Variants in OTOG observed in about 807,000 individuals in gnomAD.
OTOG encodes the protein otogelin.
Under a neutral mutation model 313.8 loss-of-function variants are expected in OTOG, and 296 were observed. That is an observed-to-expected ratio of 0.94 (90% CI 0.86 to 1.04). OTOG has a LOEUF of 1.04. Ranked by LOEUF, OTOG falls within the 50% of genes least tolerant of loss-of-function variation. OTOG has a pLI of 0.00. For synonymous variants in OTOG, 1,533 were observed against 1,554.9 expected (o/e 0.99, Z 0.33); for missense variants, 3,948 against 3,840.1 (o/e 1.03, Z -0.74).
chr11:17,645,619 G>A lies in OTOG; in HGVS notation c.8517G>A (p.Lys2839=), dbSNP rs1175710024. The A allele has an allele frequency of 6.4e-7, 1 of 1,550,694 alleles. No homozygotes were observed. ...KKVTIRMTIR[K]NECRSSTPVN... ...TGACCATCCGCATGACCATCCGCAA[G>A]AATGAATGCAGGAGCAGCACCCCTG... The change falls in exon 55 of 56, where the codon AAG becomes AAA. Residue 2839 remains lysine, a synonymous_variant. Transcript: ENST00000399397.
chr11:17,555,691 G>T, intron 6 of OTOG, 88 bp from the exon 7 acceptor site: 1 of 1,025,984 alleles, frequency 9.7e-7, no homozygotes, highest in South Asian at 1.5e-5. Context: ...GACAGCCATC[G>T]GCATTAGTGA....
intron 15 of OTOG, among the ~76,000 whole-genome samples, chr11:17,563,090 C>T (rs80052718): frequency 0.04 from 6,048 of 152,314 alleles, 190 homozygotes; most frequent in Non-Finnish European, 0.061. Context: ...TCCTGGAAGA[C>T]ATGACCCTTG....
chr11:17,629,828 T>C (rs1482489661), intron 40 of OTOG, among the ~76,000 whole-genome samples: 1 of 152,186 alleles, frequency 6.6e-6, no homozygotes, highest in Non-Finnish European at 1.5e-5. Context: ...CCCTAAAAGA[T>C]TGAATGTATT....
intron 3 of OTOG, 146 bp from the exon 4 acceptor site, chr11:17,551,854 G>A (rs1411333813): frequency 3.0e-6 from 2 of 677,540 alleles, no homozygotes; most frequent in Non-Finnish European, 5.2e-6. Flanking sequence ...AGGGGGCCAG[G>A]CGAGGAGGAG....
chr11:17,600,249 A>G (rs1354305282), intron 31 of OTOG, among the ~76,000 whole-genome samples: 1 of 139,342 alleles, frequency 7.2e-6, no homozygotes, highest in Non-Finnish European at 1.6e-5. Flanking sequence ...GTTAATGTCC[A>G]GTTTAGAGCC....
chr11:17,550,949 C>A (rs780765841), intron 3 of OTOG, among the ~76,000 whole-genome samples: 2 of 152,246 alleles, frequency 1.3e-5, no homozygotes, highest in Non-Finnish European at 2.9e-5. Context: ...GGGCCAAGAG[C>A]TGGGGTTGGC....
At chr11:17,639,785 G>A (rs775119661) in intron 49 of OTOG, among the ~76,000 whole-genome samples, 2 of 151,770 alleles carry the variant, frequency 1.3e-5, no homozygotes, top group Non-Finnish European at 2.9e-5. Flanking sequence ...GATGGTGATA[G>A]TGCAGTGATT....
chr11:17,632,986 A>G (rs1482099457), intron 42 of OTOG, among the ~76,000 whole-genome samples: 2 of 152,206 alleles, frequency 1.3e-5, no homozygotes, highest in African/African-American at 2.4e-5. Flanking sequence ...AGAAAATACC[A>G]GTGTGTATTG....
rs1482352098 is a variant in OTOG, at chr11:17,643,361, G to A, written c.8416-100G>A. 3 of 765,606 alleles carry A rather than the reference G, an allele frequency of 3.9e-6. No homozygotes were observed. In the African/African-American group the frequency reaches 5.5e-5, roughly 14 times the overall value. The allele number at this position is 765,606 out of a possible 1,614,324, so 47.4% of individuals were successfully genotyped here. ...GCCCTGGGGCATCACGGGGAGAGAA[G>A]AGTCAAGACTCCTGTACTCTGCCTG... is the stretch of plus-strand genomic sequence containing the variant. On this transcript the variant is annotated intron_variant, in intron 53 of 55. Coordinates refer to ENST00000399397, the MANE Select transcript of OTOG (RefSeq NM_001292063.2).
chr11:17,583,872 A>G (rs762814872), intron 23 of OTOG, among the ~76,000 whole-genome samples: 2 of 152,152 alleles, frequency 1.3e-5, no homozygotes, highest in Non-Finnish European at 2.9e-5. Flanking sequence ...TTTGAATGAA[A>G]CTGTGTTGAA....
chr11:17,589,772 T>G (rs541746209), intron 24 of OTOG, among the ~76,000 whole-genome samples: 1 of 152,336 alleles, frequency 6.6e-6, no homozygotes, highest in Non-Finnish European at 1.5e-5. Flanking sequence ...TCCCCATCAT[T>G]CCTTCGAAAC....
chr11:17,612,070 C>T (rs1185718604), intron 36 of OTOG, 92 bp from the exon 37 acceptor site: 2 of 1,452,590 alleles, frequency 1.4e-6, no homozygotes, highest in African/African-American at 2.8e-5. Context: ...CCGCTAGGAC[C>T]TACATGTGGG....
chr11:17,626,125 G>C (rs1853978757), intron 39 of OTOG, among the ~76,000 whole-genome samples: 1 of 152,120 alleles, frequency 6.6e-6, no homozygotes, highest in African/African-American at 2.4e-5. Context: ...GTATGAATTT[G>C]TTTCTGGGTT....
At chr11:17,631,635 G>C in intron 40 of OTOG, 67 bp from the exon 41 acceptor site, 1 of 1,308,708 alleles carries the variant, frequency 7.6e-7, no homozygotes, top group South Asian at 1.4e-5. Context: ...AATACAAAAA[G>C]TGAGAGCTGA....
chr11:17,631,323 T>C (rs1372957993), intron 40 of OTOG, among the ~76,000 whole-genome samples: 1 of 149,942 alleles, frequency 6.7e-6, no homozygotes, highest in African/African-American at 2.5e-5. Flanking sequence ...AGTGTACACC[T>C]TTTACCCAGA....
At chr11:17,600,781 C>T (rs528446571) in intron 31 of OTOG, among the ~76,000 whole-genome samples, 2 of 152,324 alleles carry the variant, frequency 1.3e-5, no homozygotes, top group Non-Finnish European at 2.9e-5. Context: ...GGAGCTGTTT[C>T]GTTTTCTCTC....
intron 23 of OTOG, among the ~76,000 whole-genome samples, chr11:17,583,264 A>G (rs1378560822): frequency 6.6e-6 from 1 of 152,104 alleles, no homozygotes; most frequent in African/African-American, 2.4e-5. Context: ...CCTCCTGAGT[A>G]GCTAAGACTA....
chr11:17,607,495 T>A (rs1853418048), intron 33 of OTOG, among the ~76,000 whole-genome samples: 1 of 152,258 alleles, frequency 6.6e-6, no homozygotes, highest in African/African-American at 2.4e-5. Context: ...CTCAGCATCA[T>A]CTGTGCCTGG....
intron 17 of OTOG, 49 bp downstream of exon 17, chr11:17,570,439 T>C (rs1343105652): frequency 1.0e-5 from 16 of 1,525,570 alleles, no homozygotes; most frequent in Non-Finnish European, 1.4e-5. Context: ...ATGGGCCCCT[T>C]AGGGCTGGGT....
Sources: allele counts gnomAD v4.1 joint callset (sites outside exome capture counted in the v4.1 genomes callset), GRCh38; gene constraint gnomAD v4.1.1; transcripts MANE v1.5; gene names NCBI Gene and HGNC (gene_info 2026-07-23, HGNC 2026-07-21).